Variants in SLC22A12 observed in about 807,000 individuals in gnomAD.
The protein encoded by SLC22A12 is organic anion transporter 4-like protein.
In SLC22A12, 56 loss-of-function variants were observed where a neutral mutation model predicts 52.7. The observed-to-expected ratio is 1.06, with a 90% CI of 0.86 to 1.33. The LOEUF (loss-of-function observed/expected upper bound fraction) is 1.33, where lower values mean the gene tolerates loss of function less well. Ranked by LOEUF, SLC22A12 falls within the 40% of genes most tolerant of loss-of-function variation. The pLI is 0.00. For missense variants in SLC22A12, 683 were observed against 741.5 expected (o/e 0.92, Z 0.92); for synonymous variants, 337 against 324.6 (o/e 1.04, Z -0.41).
Position 64,601,450 on chromosome 11 carries a change from C to T in SLC22A12, c.1599-38C>T, listed in dbSNP as rs753809115. 9.3e-6 allele frequency: 15 copies of T among 1,605,060 alleles called. No homozygotes were observed. The Middle Eastern group carries it at 6.9e-4, about 74-fold the overall frequency. On this transcript the variant is annotated intron_variant, in intron 9 of 9. Transcript: ENST00000377574. The stretch of plus-strand genomic sequence containing the variant: ...ACAGGTCAAGGGTCAGGGGCCACTC[C>T]GCACCCCAAGACACACCCCCGTGTG...
Position 64,600,750 on chromosome 11 carries a change from C to A in SLC22A12, c.1410C>A (p.Gly470=). ...FPTVLRMTAV[G]LGQMAARGGA... is the part of the protein sequence containing the mutation. Reference sequence around the variant, plus strand: ...GCATTGGCAGGATGACGGCAGTGGGCTTGGGCCAGATGGCAGCCCGTGGAG... The same window carrying A: ...GCATTGGCAGGATGACGGCAGTGGGATTGGGCCAGATGGCAGCCCGTGGAG... Residue 470 remains glycine (G), a synonymous_variant, in exon 9 of 10, where the codon GGC becomes GGA. Transcript: ENST00000377574. 1.9e-6 allele frequency: 3 copies of A among 1,605,214 alleles called. No homozygotes were observed. Among genetic ancestry groups the A allele is most frequent in the Non-Finnish European group, 2.5e-6 (3 of 1,179,920 alleles).
rs2039454061 is a variant in SLC22A12 at position 64,601,480 on chromosome 11, C to T, written c.1599-8C>T. ...CCCAAGACACACCCCCGTGTGCTTC[C>T]TGAACAGGGCAGTAAAGAAGGCAAC... On this transcript the variant is annotated splice_region_variant and splice_polypyrimidine_tract_variant and intron_variant, in intron 9 of 9. Coordinates refer to ENST00000377574, the MANE Select transcript of SLC22A12 (RefSeq NM_144585.4). The T allele has an allele frequency of 6.2e-7, 1 of 1,612,842 alleles. No individual in the cohort carries two copies. The highest frequency in any genetic ancestry group is 8.5e-7 in the Non-Finnish European group (1 of 1,179,792).
chr11:64,595,424 A>G (rs2039131306), intron 4 of SLC22A12, among the ~76,000 whole-genome samples: 1 of 118,110 alleles, frequency 8.5e-6, no homozygotes, highest in Non-Finnish European at 1.8e-5. Context: ...GATGTTTGGA[A>G]TAGATGGATG....
chr11:64,598,569 G>A lies in SLC22A12; in HGVS notation c.884G>A (p.Gly295Asp), dbSNP rs747793718. ...CTCACCACAGGCAGGCTGGATTGGG[G>A]CCTGCAGGAGCTGTGGAGGGTGGCT... The part of the protein sequence containing the change: ...WLLTTGRLDW[G>D]LQELWRVAAI... Residue 295 changes from glycine (G) to aspartate (D), a missense_variant, in exon 5 of 10, where the codon GGC (glycine) becomes GAC (aspartate). Coordinates refer to ENST00000377574, the MANE Select transcript of SLC22A12 (RefSeq NM_144585.4). The A allele has an allele frequency of 6.2e-7, 1 of 1,606,252 alleles. No homozygotes were observed.
chr11:64,592,942 C>A (rs1341747637), intron 2 of SLC22A12, 60 bp downstream of exon 2: 2 of 1,465,316 alleles, frequency 1.4e-6, no homozygotes, highest in African/African-American at 1.4e-5. Context: ...TCTCCTAGGA[C>A]CCTGGCCGAC....
At chr11:64,592,005 A>G (rs1258447786) in intron 1 of SLC22A12, 47 bp downstream of exon 1, 1 of 1,597,406 alleles carries the variant, frequency 6.3e-7, no homozygotes, top group Non-Finnish European at 8.5e-7. Context: ...CTTGGAGGTC[A>G]GTCATGGATC....
intron 4 of SLC22A12, among the ~76,000 whole-genome samples, chr11:64,597,575 C>A (rs2039288612): frequency 6.6e-6 from 1 of 152,238 alleles, no homozygotes; most frequent in Non-Finnish European, 1.5e-5. Context: ...AGCTCTATCT[C>A]TAATATGCAC....
At chr11:64,598,188 T>C (rs1328329370) in intron 4 of SLC22A12, among the ~76,000 whole-genome samples, 2 of 152,048 alleles carry the variant, frequency 1.3e-5, no homozygotes, top group Admixed American at 1.3e-4. Context: ...GCCGGGTTCC[T>C]AGCGAGGCAG....
rs1354067092 is a variant in SLC22A12, at chr11:64,600,473, C to T, written c.1392C>T (p.Leu464=). 6.3e-7 allele frequency: 1 copy of T among 1,599,230 alleles called. No homozygotes were observed. Among genetic ancestry groups the T allele is most frequent in the Non-Finnish European group, 8.5e-7 (1 of 1,176,606 alleles). The part of the protein sequence containing the change: ...IYSSELFPTV[L]RMTAVGLGQM... Reference sequence around the variant, plus strand: ...GCAGCGAGCTCTTCCCCACTGTGCTCAGGTGAGGCTGGGCCTGGGCTCCAG... The same window carrying T: ...GCAGCGAGCTCTTCCCCACTGTGCTTAGGTGAGGCTGGGCCTGGGCTCCAG... Residue 464 remains leucine (L), a splice_region_variant and synonymous_variant, in exon 8 of 10, where the codon CTC becomes CTT. Coordinates refer to ENST00000377574, the MANE Select transcript of SLC22A12 (RefSeq NM_144585.4).
At chr11:64,597,991 T>C (rs939654165) in intron 4 of SLC22A12, among the ~76,000 whole-genome samples, 2 of 152,092 alleles carry the variant, frequency 1.3e-5, no homozygotes, top group African/African-American at 4.8e-5. Flanking sequence ...GGTCCCAGCC[T>C]GAGCCCCGGG....
rs917193743 is a variant in SLC22A12 at position 64,599,541 on chromosome 11, C to T, written c.1071-135C>T. 1.0e-5 allele frequency: 7 copies of T among 688,642 alleles called. No individual in the cohort carries two copies. In the Admixed American group the frequency reaches 1.6e-4, roughly 16 times the overall value. 42.7% of individuals were successfully genotyped at this position (688,642 alleles called of 1,614,324 possible). On this transcript the variant is annotated intron_variant, in intron 6 of 9. Transcript: ENST00000377574. ...GACTGGCCCCGCCCCACAGAGCTGG[C>T]AGCTGAAGGGCCAGAACACTGAGCT...
At chr11:64,594,219 C>T (rs1396775663) in intron 4 of SLC22A12, among the ~76,000 whole-genome samples, 5 of 152,212 alleles carry the variant, frequency 3.3e-5, no homozygotes, top group Non-Finnish European at 5.9e-5. Context: ...AACACATGCC[C>T]GCACACACAG....
In SLC22A12 at chr11:64,591,624, C is replaced by T; in HGVS notation, c.68C>T (p.Ala23Val). Residue 23 changes from alanine to valine, a missense_variant, in exon 1 of 10, where the codon GCT becomes GTT. Ala to Val is a moderately conservative substitution (Grantham distance 64). Coordinates refer to ENST00000377574, the MANE Select transcript of SLC22A12 (RefSeq NM_144585.4). ...AGGTTCCAGGTTCTCCAGACGATGGCTCTGATGGTCTCCATCATGTGGCTG... is the reference window on the plus strand; with the variant it reads ...AGGTTCCAGGTTCTCCAGACGATGGTTCTGATGGTCTCCATCATGTGGCTG... ...LGRFQVLQTM[A>V]LMVSIMWLCT... The T allele has an allele frequency of 5.0e-6, 8 of 1,613,250 alleles. No homozygotes were observed. The highest frequency in any genetic ancestry group is 6.8e-6 in the Non-Finnish European group (8 of 1,180,032).
At chr11:64,594,991 A>G (rs868530988) in intron 4 of SLC22A12, among the ~76,000 whole-genome samples, 6 of 109,008 alleles carry the variant, frequency 5.5e-5, no homozygotes, top group Non-Finnish European at 1.2e-4. Context: ...GGATGGGTGG[A>G]TGGATGGATG....
rs1169428935 is a variant in SLC22A12, at chr11:64,591,691, C to T, written c.135C>T (p.Pro45=). The change falls in exon 1 of 10, where the codon CCC becomes CCT. Residue 45 remains proline (P), a synonymous_variant. Transcript: ENST00000377574. The part of the protein sequence containing the change: ...SMLENFSAAV[P]SHRCWAPLLD... Reference sequence around the variant, plus strand: ...TGGAGAACTTCTCGGCCGCCGTGCCCAGCCACCGCTGCTGGGCACCCCTCC... The same window carrying T: ...TGGAGAACTTCTCGGCCGCCGTGCCTAGCCACCGCTGCTGGGCACCCCTCC... The T allele has an allele frequency of 6.2e-7, 1 of 1,612,256 alleles. No homozygotes were observed. Among genetic ancestry groups the T allele is most frequent in the Non-Finnish European group, 8.5e-7 (1 of 1,180,024 alleles).
Position 64,591,808 on chromosome 11 carries a change from G to T in SLC22A12, c.252G>T (p.Arg84Ser), listed in dbSNP as rs1281140518. ...AISIPPGPNQ[R>S]PHQCRRFRQP... ...CCATCCCGCCGGGCCCCAACCAGAG[G>T]CCCCACCAGTGCCGCCGCTTCCGCC... Residue 84 changes from arginine (R) to serine (S), a missense_variant, in exon 1 of 10, where the codon AGG becomes AGT. By Grantham distance (110) the Arg-to-Ser change is moderately radical (BLOSUM62 -1). Coordinates refer to ENST00000377574, the MANE Select transcript of SLC22A12 (RefSeq NM_144585.4). The T allele has an allele frequency of 3.7e-6, 6 of 1,612,250 alleles. No individual in the cohort carries two copies. Among genetic ancestry groups the T allele is most frequent in the African/African-American group, 1.3e-5 (1 of 75,036 alleles).
chr11:64,593,879 T>C (rs1426857645), intron 4 of SLC22A12, 76 bp downstream of exon 4: 9 of 1,546,534 alleles, frequency 5.8e-6, no homozygotes, highest in Non-Finnish European at 7.8e-6. Flanking sequence ...GAGACTCTCC[T>C]TTCCCTGGGG....
At chr11:64,595,671 AATAG>A (rs574584872) in intron 4 of SLC22A12, among the ~76,000 whole-genome samples, 21 of 133,310 alleles carry the variant, frequency 1.6e-4, no homozygotes, top group East Asian at 1.1e-3. Context: ...GGATGGTTGT[AATAG>A]ATGGATGGAT....
At chr11:64,600,162 C>T (rs1402135992) in intron 7 of SLC22A12, among the ~76,000 whole-genome samples, 2 of 152,208 alleles carry the variant, frequency 1.3e-5, no homozygotes, top group African/African-American at 2.4e-5. Flanking sequence ...AGAAGGACTC[C>T]TCGGGGCTGG....
Sources: gnomAD v4.1 joint callset for allele counts (sites outside exome capture counted in the v4.1 genomes callset) on GRCh38, gnomAD v4.1.1 for gene constraint, MANE v1.5 for transcripts, NCBI Gene and HGNC (gene_info 2026-07-23, HGNC 2026-07-21) for gene names.